Variants in STOX2 observed in about 807,000 individuals in gnomAD.
The protein encoded by STOX2 is storkhead-box protein 2.
Under a neutral mutation model 60.9 loss-of-function variants are expected in STOX2, and 28 were observed. That is an observed-to-expected ratio of 0.46 (90% CI 0.34 to 0.63). The LOEUF is 0.63. STOX2 is among the 30% of genes least tolerant of loss of function. The probability of loss-of-function intolerance (pLI) is 0.01; values close to 1 mark genes in which losing one functional copy is unlikely to be tolerated. For missense variants in STOX2, 1,024 were observed against 1,187.7 expected, an observed-to-expected ratio of 0.86 and a Z score of 2.03; for synonymous variants, 472 against 463.9, an observed-to-expected ratio of 1.02 and a Z score of -0.22.
intron 2 of STOX2, among the ~76,000 whole-genome samples, chr4:184,006,868 T>C (rs1414335980): frequency 1.3e-5 from 2 of 150,152 alleles, no homozygotes; most frequent in Non-Finnish European, 3.0e-5. Flanking sequence ...TACAAAAAAT[T>C]AGCTGGGCGT....
intron 1 of STOX2, among the ~76,000 whole-genome samples, chr4:183,951,025 C>A (rs1450154593): frequency 4.6e-5 from 7 of 151,912 alleles, no homozygotes; most frequent in South Asian, 2.1e-4. Context: ...ACCATCCTGG[C>A]TAACACGGTG....
intron 3 of STOX2, 91 bp from the exon 4 acceptor site, chr4:184,016,998 A>G (rs1247754033): frequency 3.7e-6 from 4 of 1,077,870 alleles, no homozygotes; most frequent in Non-Finnish European, 5.2e-6. Context: ...GAGGAAATCC[A>G]TTAACGACAT....
At chr4:183,827,889 A>G (rs868701021) in intron 1 of STOX2, among the ~76,000 whole-genome samples, 4 of 151,814 alleles carry the variant, frequency 2.6e-5, no homozygotes, top group Admixed American at 6.6e-5. Flanking sequence ...AAAAAAAAAA[A>G]AAAAGAAAGA....
At chr4:183,947,902 A>G (rs1451554500) in intron 1 of STOX2, among the ~76,000 whole-genome samples, 3 of 152,124 alleles carry the variant, frequency 2.0e-5, no homozygotes, top group African/African-American at 7.2e-5. Flanking sequence ...ACAAGGCTCC[A>G]TGGTAGCAAA....
At chr4:183,834,001 A>AT (rs1739641410) in intron 1 of STOX2, among the ~76,000 whole-genome samples, 1 of 150,642 alleles carries the variant, frequency 6.6e-6, no homozygotes, top group Non-Finnish European at 1.5e-5. Context: ...AAAAAAAAAA[A>AT]GAATGTGAGA....
chr4:183,862,899 AAGGCGT>A (rs1296012369), intron 1 of STOX2, among the ~76,000 whole-genome samples: 3 of 152,138 alleles, frequency 2.0e-5, no homozygotes, highest in African/African-American at 7.2e-5. Flanking sequence ...GCCTACAAGG[AAGGCGT>A]GGTTATTTCC....
At chr4:183,886,808 A>G (rs1741094571) in intron 1 of STOX2, among the ~76,000 whole-genome samples, 2 of 152,112 alleles carry the variant, frequency 1.3e-5, no homozygotes, top group Admixed American at 6.5e-5. Context: ...CTTAAAAACA[A>G]CCCCACTCTG....
intron 1 of STOX2, among the ~76,000 whole-genome samples, chr4:183,939,892 T>G (rs1166200413): frequency 6.6e-6 from 1 of 152,170 alleles, no homozygotes; most frequent in Non-Finnish European, 1.5e-5. Flanking sequence ...GTTATGGTGT[T>G]TTCTTATTTA....
chr4:183,940,268 G>A (rs188804539), intron 1 of STOX2, among the ~76,000 whole-genome samples: 17 of 152,232 alleles, frequency 1.1e-4, no homozygotes, highest in African/African-American at 3.1e-4. Context: ...GGTATCTTTC[G>A]TGCCTCACGA....
chr4:183,972,397 G>C (rs1337590725), intron 1 of STOX2, among the ~76,000 whole-genome samples: 1 of 152,188 alleles, frequency 6.6e-6, no homozygotes, highest in Non-Finnish European at 1.5e-5. Context: ...AGATCACAGA[G>C]AGGATCAAGA....
chr4:183,839,588 G>A (rs1469070264), intron 1 of STOX2, among the ~76,000 whole-genome samples: 1 of 152,188 alleles, frequency 6.6e-6, no homozygotes, highest in Non-Finnish European at 1.5e-5. Context: ...CCCTAATTTT[G>A]CAGTTGAGAA....
rs201369041 is a variant in STOX2 at position 183,820,476 on chromosome 4, C to T, written c.364+22421C>T. On this transcript the variant is annotated intron_variant, in intron 1 of 2. Transcript: ENST00000513034. ...TGTGGGCCCTCATCCCTGCTCTACT[C>T]TTTAAAAGCTGCAGGGTCTCAGACA... 6.6e-5 allele frequency among the ~76,000 whole-genome samples: 10 copies of T among 152,328 alleles called. No homozygotes were observed. In the East Asian group the frequency reaches 1.9e-3, roughly 29 times the overall value.
chr4:183,808,028 G>A (rs2111097776), intron 1 of STOX2, among the ~76,000 whole-genome samples: 1 of 152,326 alleles, frequency 6.6e-6, no homozygotes, highest in South Asian at 2.1e-4. Flanking sequence ...CGTAGCAGAT[G>A]GACCCCACAT....
chr4:184,009,133 G>GT lies in STOX2; in HGVS notation c.320-24dup. 8.4e-7 allele frequency: 1 copy of GT among 1,187,230 alleles called. No homozygotes were observed. Among genetic ancestry groups the GT allele is most frequent in the Non-Finnish European group, 1.2e-6 (1 of 855,286 alleles). 73.5% of individuals were successfully genotyped at this position (1,187,230 alleles called of 1,614,324 possible). A position where few individuals can be genotyped will look rare whatever the true frequency, so the allele number is the denominator to read the frequency against. ...ACATGTTCTGTCTTCATTCTCACAAGTGGTTTTTTTTTTTTTTTTTTCAGG... is the reference window on the plus strand; with the variant it reads ...ACATGTTCTGTCTTCATTCTCACAAGTTGGTTTTTTTTTTTTTTTTTTCAGG... On this transcript the variant is annotated intron_variant, in intron 2 of 3. Transcript: ENST00000308497. This position sits in a 1 kb window ranked among gnomAD's most constrained non-coding sequence, Gnocchi z 4.0.
At position 183,956,362 on chromosome 4, in the gene STOX2, T is replaced by TTCTATCTA. The variant is rs57987067; in HGVS notation, c.167-44924_167-44917dup. ...AATTGTTAACATTTTGCTGCATTTG[T>TTCTATCTA]TCTATCTATCTATCTATCTATCTAT... On this transcript the variant is annotated intron_variant, in intron 1 of 3. Coordinates refer to ENST00000308497, the MANE Select transcript of STOX2 (RefSeq NM_020225.3). 6.1e-3 allele frequency among the ~76,000 whole-genome samples: 907 copies of TTCTATCTA among 149,186 alleles called. 5 individuals carry two copies. Among genetic ancestry groups the TTCTATCTA allele is most frequent in the Non-Finnish European group, 7.1e-3 (477 of 67,428 alleles).
At chr4:183,958,473 A>T (rs1743321984) in intron 1 of STOX2, among the ~76,000 whole-genome samples, 2 of 152,126 alleles carry the variant, frequency 1.3e-5, no homozygotes, top group Non-Finnish European at 2.9e-5. Flanking sequence ...ATATATTTAT[A>T]CTTTCTTCAC....
intron 1 of STOX2, among the ~76,000 whole-genome samples, chr4:183,939,301 C>T (rs138963548): frequency 2.2e-3 from 329 of 152,294 alleles, no homozygotes; most frequent in African/African-American, 5.5e-3. Context: ...TTCCAGCTTC[C>T]GGTGACTCCA....
rs932981939 is a variant in STOX2, at chr4:184,019,459, A to G, written c.*2175A>G. On this transcript the variant is annotated 3_prime_UTR_variant, in exon 4 of 4. Coordinates refer to ENST00000308497, the MANE Select transcript of STOX2 (RefSeq NM_020225.3). The stretch of plus-strand genomic sequence containing the variant: ...TTCTTCTACTCTCAGTTCATAAATA[A>G]TATAACCATTGAAACAACACATCAG... The G allele has an allele frequency of 1.3e-5, 2 of 152,252 alleles. No individual in the cohort carries two copies. The highest frequency in any genetic ancestry group is 2.4e-5 in the African/African-American group (1 of 41,468). The allele number at this position is 152,252 out of a possible 1,614,324, so 9.4% of individuals were successfully genotyped here.
intron 1 of STOX2, among the ~76,000 whole-genome samples, chr4:183,831,674 A>G (rs1739570842): frequency 6.6e-6 from 1 of 152,198 alleles, no homozygotes; most frequent in South Asian, 2.1e-4. Context: ...TCAGTGATGG[A>G]TGCGCTGAGG....
Sources: gnomAD v4.1 joint callset for allele counts (sites outside exome capture counted in the v4.1 genomes callset) on GRCh38, gnomAD v4.1.1 for gene constraint, Gnocchi (gnomAD v3.1) non-coding constraint, MANE v1.5 for transcripts, NCBI Gene and HGNC (gene_info 2026-07-23, HGNC 2026-07-21) for gene names.